The following RAD51B variants were observed in gnomAD, a reference collection of about 807,000 sequenced individuals.
The protein encoded by RAD51B is RAD51 paralog B.
In RAD51B, 38 loss-of-function variants were observed where a neutral mutation model predicts 42.2. The observed-to-expected ratio is 0.90, with a 90% CI of 0.70 to 1.18. The LOEUF (loss-of-function observed/expected upper bound fraction) is 1.18. Ranked by LOEUF, RAD51B falls within the 50% of genes most tolerant of loss-of-function variation. The pLI is 0.00. For synonymous variants in RAD51B, 154 were observed against 145.2 expected, an observed-to-expected ratio of 1.06 and a Z score of -0.43; for missense variants, 373 against 400.7, an observed-to-expected ratio of 0.93 and a Z score of 0.59.
intron 10 of RAD51B, among the ~76,000 whole-genome samples, chr14:68,549,352 G>C (rs1888396789): frequency 6.7e-6 from 1 of 149,710 alleles, no homozygotes; most frequent in Non-Finnish European, 1.5e-5. Flanking sequence ...AATCATTGGT[G>C]CAGCTAACCA....
intron 7 of RAD51B, among the ~76,000 whole-genome samples, chr14:68,093,031 T>G (rs1317879803): frequency 4.0e-5 from 6 of 150,248 alleles, no homozygotes; most frequent in Non-Finnish European, 8.9e-5. Context: ...GAACCAGCCT[T>G]GCATCCCAGG....
chr14:68,093,127 T>A (rs1402198062), intron 7 of RAD51B, among the ~76,000 whole-genome samples: 8 of 150,460 alleles, frequency 5.3e-5, no homozygotes, highest in African/African-American at 2.0e-4. Context: ...GATTTTTGCA[T>A]CAATGTTCAT....
chr14:67,972,878 T>C (rs977760082), intron 7 of RAD51B, among the ~76,000 whole-genome samples: 4 of 152,212 alleles, frequency 2.6e-5, no homozygotes, highest in Admixed American at 1.3e-4. Flanking sequence ...GGAAAGGGCA[T>C]GGTGAGAGGC....
At chr14:67,964,228 C>A (rs1448682398) in intron 7 of RAD51B, among the ~76,000 whole-genome samples, 1 of 152,098 alleles carries the variant, frequency 6.6e-6, no homozygotes, top group Non-Finnish European at 1.5e-5. Context: ...GAGATCAGTA[C>A]TGCAGCCATT....
intron 8 of RAD51B, among the ~76,000 whole-genome samples, chr14:68,328,058 C>T (rs1311982969): frequency 6.6e-6 from 1 of 152,106 alleles, no homozygotes; most frequent in Non-Finnish European, 1.5e-5. Flanking sequence ...GTCCCTTCTT[C>T]CCTTCCTATA....
chr14:68,194,067 A>G (rs1334237692), intron 7 of RAD51B, among the ~76,000 whole-genome samples: 1 of 152,254 alleles, frequency 6.6e-6, no homozygotes, highest in East Asian at 1.9e-4. Context: ...AATTAAGCTT[A>G]TGAGTTACAC....
At chr14:68,431,233 C>G (rs1348007509) in intron 9 of RAD51B, among the ~76,000 whole-genome samples, 2 of 152,170 alleles carry the variant, frequency 1.3e-5, no homozygotes, top group East Asian at 1.9e-4. Context: ...GTGTCTCTGC[C>G]AGGCTTTGGT....
At position 67,822,583 on chromosome 14, in the gene RAD51B, CATG is replaced by C. The variant is rs370299685; in HGVS notation, c.-2-958_-2-956del. Among the ~76,000 whole-genome samples, 250 of 151,946 alleles carry C rather than the reference CATG, an allele frequency of 1.6e-3. 6 individuals are homozygous for C. The South Asian group carries it at 0.02, about 12-fold the overall frequency. On this transcript the variant is annotated intron_variant, in intron 1 of 10. Coordinates refer to ENST00000471583, the MANE Select transcript of RAD51B (RefSeq NM_133510.4). ...ACAAAAAATACAAAAATTAGCCAGA[CATG>C]GTGGTGCACGCTTGTGGTCCCAGCT...
rs201509040 is a variant in RAD51B, at chr14:68,241,670, AT to A, written c.757-50204del. 1.8e-3 allele frequency among the ~76,000 whole-genome samples: 269 copies of A among 150,526 alleles called. 1 individual carries two copies. The highest frequency in any genetic ancestry group is 4.1e-3 in the Admixed American group (62 of 15,114). On this transcript the variant is annotated intron_variant, in intron 7 of 10. Coordinates refer to ENST00000471583, the MANE Select transcript of RAD51B (RefSeq NM_133510.4). ...TAAAATTTTTTAGTTCTCAGGTTTT[AT>A]TTTTTTTTTAAATAGTTAAAAAGTA...
At chr14:68,542,394 A>G (rs1340928650) in intron 10 of RAD51B, among the ~76,000 whole-genome samples, 2 of 152,126 alleles carry the variant, frequency 1.3e-5, no homozygotes, top group Non-Finnish European at 2.9e-5. Flanking sequence ...ATTATCTTTG[A>G]TCCATTGTTT....
intron 7 of RAD51B, among the ~76,000 whole-genome samples, chr14:68,070,507 T>C (rs1300523081): frequency 6.6e-6 from 1 of 152,218 alleles, no homozygotes. Flanking sequence ...GCTAGCCAGT[T>C]ATCCCCAAAA....
chr14:68,168,675 A>G (rs369221638), intron 7 of RAD51B, among the ~76,000 whole-genome samples: 90 of 152,310 alleles, frequency 5.9e-4, no homozygotes, highest in African/African-American at 2.0e-3. Context: ...AGAGGTCTAT[A>G]AATCTTAATA....
intron 9 of RAD51B, among the ~76,000 whole-genome samples, chr14:68,450,605 A>G (rs1160908899): frequency 6.6e-6 from 1 of 152,076 alleles, no homozygotes; most frequent in Non-Finnish European, 1.5e-5. Flanking sequence ...CTTAGATACC[A>G]CACTCTGTTC....
At chr14:67,927,785 A>ATATATACACATATAT (rs1332025885) in intron 7 of RAD51B, among the ~76,000 whole-genome samples, 1 of 148,884 alleles carries the variant, frequency 6.7e-6, no homozygotes, top group African/African-American at 2.6e-5. Context: ...ACACATATAT[A>ATATATACACATATAT]ATGTGTGTGT....
intron 8 of RAD51B, among the ~76,000 whole-genome samples, chr14:68,303,471 A>G (rs891510157): frequency 2.6e-5 from 4 of 151,106 alleles, no homozygotes; most frequent in Admixed American, 6.8e-5. Flanking sequence ...AAAAAAAAAA[A>G]AAAAAGAAAA....
At chr14:68,242,837 C>A (rs969132850) in intron 7 of RAD51B, among the ~76,000 whole-genome samples, 3 of 152,232 alleles carry the variant, frequency 2.0e-5, no homozygotes, top group Middle Eastern at 3.4e-3. Context: ...CTCAAGATCA[C>A]CCACCTAGTT....
At chr14:68,172,234 G>T (rs2140859804) in intron 7 of RAD51B, among the ~76,000 whole-genome samples, 1 of 152,258 alleles carries the variant, frequency 6.6e-6, no homozygotes, top group African/African-American at 2.4e-5. Context: ...GAAATCCTTT[G>T]TCAGTAGTTA....
At chr14:68,306,641 AT>A (rs1329129396) in intron 8 of RAD51B, 2 of 515,264 alleles carry the variant, frequency 3.9e-6, no homozygotes, top group African/African-American at 3.8e-5. Flanking sequence ...CTCTGGCCTA[AT>A]AAACATTCTT....
chr14:68,430,636 A>T (rs925894415), intron 9 of RAD51B, among the ~76,000 whole-genome samples: 3 of 152,224 alleles, frequency 2.0e-5, no homozygotes, highest in Non-Finnish European at 4.4e-5. Flanking sequence ...TATCAGCTTA[A>T]GGAGATTTTA....
Sources: allele counts gnomAD v4.1 joint callset (sites outside exome capture counted in the v4.1 genomes callset), GRCh38; gene constraint gnomAD v4.1.1; transcripts MANE v1.5; gene names NCBI Gene and HGNC (gene_info 2026-07-23, HGNC 2026-07-21).